LRP2: variants seen among roughly 807,000 people sequenced by gnomAD.
LRP2 encodes low-density lipoprotein receptor-related protein 2.
In LRP2, 172 loss-of-function variants were observed where a neutral mutation model predicts 531.0. The observed-to-expected ratio is 0.32, with a 90% CI of 0.29 to 0.37. The LOEUF (loss-of-function observed/expected upper bound fraction) is 0.37. LRP2 is among the 10% of genes least tolerant of loss of function. The pLI is 1.00. For synonymous variants in LRP2, 1,992 were observed against 2,027.6 expected (o/e 0.98, Z 0.47); for missense variants, 5,167 against 5,868.3 (o/e 0.88, Z 3.90).
At chr2:169,314,606 T>C (rs955072297) in intron 3 of LRP2, among the ~76,000 whole-genome samples, 2 of 152,242 alleles carry the variant, frequency 1.3e-5, no homozygotes, top group African/African-American at 4.8e-5. Flanking sequence ...TCTTTCTGTT[T>C]AATTAGCAAA....
chr2:169,323,236 A>G (rs1210597225), intron 1 of LRP2, among the ~76,000 whole-genome samples: 1 of 152,218 alleles, frequency 6.6e-6, no homozygotes, highest in East Asian at 1.9e-4. Flanking sequence ...ACAGATCTAT[A>G]ATTCATTTGT....
chr2:169,313,287 C>G (rs1382092631), intron 3 of LRP2, among the ~76,000 whole-genome samples: 1 of 152,166 alleles, frequency 6.6e-6, no homozygotes, highest in Non-Finnish European at 1.5e-5. Context: ...AAGAGGTGCT[C>G]TGATTTTTAG....
In LRP2 at chr2:169,133,796, A is replaced by G. The variant is rs193261669; in HGVS notation, c.13621-1115T>C. 4.7e-4 allele frequency among the ~76,000 whole-genome samples: 72 copies of G among 152,232 alleles called. 1 individual carries two copies. The East Asian group carries it at 7.5e-3, about 16-fold the overall frequency. ...AAAGATGACGGACTGAATCTCAAAC[A>G]TGCTTTCTTTACTATTCCTTTGCAC... On this transcript the variant is annotated intron_variant, in intron 76 of 78. Coordinates refer to ENST00000649046, the MANE Select transcript of LRP2 (RefSeq NM_004525.3).
chr2:169,341,254 TC>T, intron 1 of LRP2, among the ~76,000 whole-genome samples: 1 of 152,136 alleles, frequency 6.6e-6, no homozygotes, highest in East Asian at 1.9e-4. Flanking sequence ...TTCATCAATG[TC>T]ACTGGCACGT....
chr2:169,285,291 C>T (rs1456629601), intron 9 of LRP2, among the ~76,000 whole-genome samples: 1 of 67,626 alleles, frequency 1.5e-5, no homozygotes, highest in Non-Finnish European at 5.8e-5. Context: ...GAGACCCTAT[C>T]ACAAAAAAAC....
At chr2:169,160,809 C>A (rs1038563733) in intron 63 of LRP2, among the ~76,000 whole-genome samples, 3 of 152,128 alleles carry the variant, frequency 2.0e-5, no homozygotes, top group Admixed American at 1.3e-4. Flanking sequence ...CAAATTCTAT[C>A]ATGTTCAGGC....
At position 169,239,646 on chromosome 2, in the gene LRP2, T is replaced by C; in HGVS notation, c.4175A>G (p.Asp1392Gly). 1.2e-6 allele frequency: 2 copies of C among 1,614,114 alleles called. No homozygotes were observed. The highest frequency in any genetic ancestry group is 1.7e-6 in the Non-Finnish European group (2 of 1,179,944). ...ACAAGAGCCTAGAATATCACATTCATCTATGTCTTCACAGGTCTTAGAATC... is the reference window on the plus strand; with the variant it reads ...ACAAGAGCCTAGAATATCACATTCACCTATGTCTTCACAGGTCTTAGAATC... ...ANDSKTCEDI[D>G]ECDILGSCSQ... The change falls in exon 26 of 79, where the codon GAT (aspartate) becomes GGT (glycine). Residue 1392 changes from aspartate (D) to glycine (G), a missense_variant. Physicochemically the swap from Asp to Gly is moderately conservative, Grantham distance 94 (BLOSUM62 -1). Around this residue, in one of 6 missense-constraint regions of LRP2, gnomAD observed 2,811 missense variants for 3,058.0 expected, o/e 0.92. Coordinates refer to ENST00000649046, the MANE Select transcript of LRP2 (RefSeq NM_004525.3).
chr2:169,263,357 G>A (rs867015782), intron 16 of LRP2, among the ~76,000 whole-genome samples: 2 of 151,678 alleles, frequency 1.3e-5, no homozygotes, highest in African/African-American at 4.8e-5. Context: ...CTGACAAAGG[G>A]CTAATATCCA....
rs771404847 is a variant in LRP2, at chr2:169,198,896, T to G, written c.8468A>C (p.Gln2823Pro). ...ATTATGACATTTTGTGTATCCAGAC[T>G]GGCAAGTGCGATCAGCTTGAAAAAG... ...DEKNCPDRTC[Q>P]SGYTKCHNSN... is the part of the protein sequence containing the mutation. Residue 2823 changes from glutamine to proline, a missense_variant, in exon 45 of 79, where the codon CAG (glutamine) becomes CCG (proline). Gln to Pro is a moderately conservative substitution (Grantham distance 76, BLOSUM62 -1). This residue lies in a region of LRP2 where 1,129 missense variants were observed against 1,362.7 expected (regional missense o/e 0.83). Coordinates refer to ENST00000649046, the MANE Select transcript of LRP2 (RefSeq NM_004525.3). 8.1e-6 allele frequency: 13 copies of G among 1,613,600 alleles called. No individual in the cohort carries two copies. In the South Asian group the frequency reaches 1.4e-4, roughly 18 times the overall value.
At chr2:169,168,065 G>T (rs1388587499) in intron 61 of LRP2, among the ~76,000 whole-genome samples, 1 of 80,864 alleles carries the variant, frequency 1.2e-5, no homozygotes, top group Non-Finnish European at 2.7e-5. Context: ...CAGCAAGAGG[G>T]AATTAGATGG....
chr2:169,358,317 C>T (rs1025804288), intron 1 of LRP2, among the ~76,000 whole-genome samples: 8 of 152,266 alleles, frequency 5.3e-5, no homozygotes, highest in African/African-American at 1.9e-4. Context: ...TCCTCTCAGC[C>T]CCTTTCTTCT....
At chr2:169,236,304 T>C (rs1689602897) in intron 28 of LRP2, among the ~76,000 whole-genome samples, 2 of 152,202 alleles carry the variant, frequency 1.3e-5, no homozygotes, top group Non-Finnish European at 2.9e-5. Context: ...TAATACATAA[T>C]GTCATAATGT....
chr2:169,135,280 C>T lies in LRP2; in HGVS notation c.13620+2112G>A, dbSNP rs567002605. Among the ~76,000 whole-genome samples the T allele has an allele frequency of 3.9e-5, 6 of 152,254 alleles. No homozygotes were observed. The South Asian group carries it at 8.3e-4, about 21-fold the overall frequency. On this transcript the variant is annotated intron_variant, in intron 76 of 78. Coordinates refer to ENST00000649046, the MANE Select transcript of LRP2 (RefSeq NM_004525.3). ...CCCTCCCTTCCCTACACCTCAAGCT[C>T]GGGGTTTTTCCCCCGCCCAGGACTG...
chr2:169,245,554 T>C (rs982005882), intron 21 of LRP2, among the ~76,000 whole-genome samples: 1 of 152,178 alleles, frequency 6.6e-6, no homozygotes, highest in Non-Finnish European at 1.5e-5. Context: ...TTATTAGTAT[T>C]AACTTCACCT....
intron 1 of LRP2, among the ~76,000 whole-genome samples, chr2:169,361,102 A>G (rs1446431129): frequency 6.6e-6 from 1 of 152,092 alleles, no homozygotes; most frequent in Non-Finnish European, 1.5e-5. Flanking sequence ...AAGTTGTCCG[A>G]CGGGAGGGAA....
At chr2:169,314,355 T>C (rs556495619) in intron 3 of LRP2, among the ~76,000 whole-genome samples, 8 of 152,040 alleles carry the variant, frequency 5.3e-5, no homozygotes, top group Admixed American at 6.5e-5. Flanking sequence ...TCTCTTTTTA[T>C]GTAGTTAGAG....
intron 13 of LRP2, among the ~76,000 whole-genome samples, chr2:169,276,266 G>A (rs1313747152): frequency 2.6e-5 from 4 of 152,154 alleles, no homozygotes; most frequent in Non-Finnish European, 5.9e-5. Context: ...GGCAAAGCGA[G>A]AGGCAATGAC....
At chr2:169,269,472 T>G (rs1158187014) in intron 16 of LRP2, among the ~76,000 whole-genome samples, 1 of 152,182 alleles carries the variant, frequency 6.6e-6, no homozygotes, top group African/African-American at 2.4e-5. Context: ...CATCTGATCT[T>G]TGACAAACCT....
intron 1 of LRP2, among the ~76,000 whole-genome samples, chr2:169,354,726 A>G (rs1685944101): frequency 6.6e-6 from 1 of 152,234 alleles, no homozygotes. Flanking sequence ...AGTAACCATC[A>G]GCAAAGAGTA....
Sources: gnomAD v4.1 joint callset for allele counts (sites outside exome capture counted in the v4.1 genomes callset) on GRCh38, gnomAD v4.1.1 for gene constraint, gnomAD v4.1.1 regional missense constraint, MANE v1.5 for transcripts, NCBI Gene and HGNC (gene_info 2026-07-23, HGNC 2026-07-21) for gene names.